Variants in RYR2 observed in about 807,000 individuals in gnomAD.
The protein encoded by RYR2 is cardiac muscle ryanodine receptor-calcium release channel.
Under a neutral mutation model 601.1 loss-of-function variants are expected in RYR2, and 227 were observed. The observed-to-expected ratio is 0.38, with a 90% CI of 0.34 to 0.42. RYR2 has a LOEUF of 0.42. Among genes scored for constraint, RYR2 ranks in the 10% least tolerant of loss-of-function variants. RYR2 has a pLI of 1.00. For synonymous variants in RYR2, 2,223 were observed against 2,175.1 expected (o/e 1.02, Z -0.61); for missense variants, 4,646 against 6,156.5 (o/e 0.75, Z 8.21).
At chr1:237,807,232 C>G (rs1296031822) in intron 99 of RYR2, among the ~76,000 whole-genome samples, 2 of 152,112 alleles carry the variant, frequency 1.3e-5, no homozygotes, top group African/African-American at 4.8e-5. Context: ...TGTTTGAGCT[C>G]CCAGGATATG....
intron 16 of RYR2, among the ~76,000 whole-genome samples, chr1:237,468,828 T>A (rs1478685762): frequency 6.6e-6 from 1 of 152,228 alleles, no homozygotes; most frequent in Non-Finnish European, 1.5e-5. Context: ...TACCCTTTAC[T>A]ATTACCTCCC....
intron 2 of RYR2, among the ~76,000 whole-genome samples, chr1:237,275,782 A>C (rs1033291638): frequency 6.6e-6 from 1 of 152,200 alleles, no homozygotes; most frequent in African/African-American, 2.4e-5. Context: ...TATTGACAAT[A>C]TTTTAGGCCA....
At chr1:237,361,153 T>G (rs892161135) in intron 4 of RYR2, among the ~76,000 whole-genome samples, 2 of 152,230 alleles carry the variant, frequency 1.3e-5, no homozygotes, top group Non-Finnish European at 2.9e-5. Context: ...CATATTTTCA[T>G]CATAAGAGCG....
intron 24 of RYR2, among the ~76,000 whole-genome samples, chr1:237,518,474 A>AT (rs954671116): frequency 1.3e-5 from 2 of 151,974 alleles, no homozygotes; most frequent in African/African-American, 4.8e-5. Flanking sequence ...ATGTGTGCAC[A>AT]TTTTTTTAAC....
intron 12 of RYR2, among the ~76,000 whole-genome samples, chr1:237,430,485 T>C (rs1427645564): frequency 6.6e-6 from 1 of 152,082 alleles, no homozygotes; most frequent in Admixed American, 6.6e-5. Flanking sequence ...TTTATGGTAG[T>C]TGTGGAAGGA....
At chr1:237,238,701 C>T (rs1303366610) in intron 1 of RYR2, among the ~76,000 whole-genome samples, 1 of 152,190 alleles carries the variant, frequency 6.6e-6, no homozygotes, top group African/African-American at 2.4e-5. Flanking sequence ...TTCTTTTGAT[C>T]TGTGGCTAAC....
chr1:237,583,084 G>A (rs945638263), intron 29 of RYR2, among the ~76,000 whole-genome samples: 1 of 152,082 alleles, frequency 6.6e-6, no homozygotes, highest in Non-Finnish European at 1.5e-5. Flanking sequence ...AGCCTCGTCA[G>A]CATCTGTTCT....
chr1:237,658,761 A>G (rs761796324), intron 54 of RYR2, among the ~76,000 whole-genome samples: 1 of 152,176 alleles, frequency 6.6e-6, no homozygotes, highest in Non-Finnish European at 1.5e-5. Context: ...GGATTTAACA[A>G]TTATTTACCT....
At chr1:237,376,110 T>C (rs778286773) in intron 7 of RYR2, among the ~76,000 whole-genome samples, 1 of 152,182 alleles carries the variant, frequency 6.6e-6, no homozygotes, top group Non-Finnish European at 1.5e-5. Flanking sequence ...GGTTAGCCAA[T>C]AGTGGGTACA....
At chr1:237,386,159 T>A (rs1009278119) in intron 8 of RYR2, among the ~76,000 whole-genome samples, 8 of 152,190 alleles carry the variant, frequency 5.3e-5, no homozygotes, top group Middle Eastern at 3.2e-3. Flanking sequence ...CCAAGTCTTA[T>A]GTATCAACTG....
Position 237,804,266 on chromosome 1 carries a change from C to G in RYR2, c.14152-1871C>G, listed in dbSNP as rs537223671. ...TTGGTCTTGCAAAACAGGAACCCAC[C>G]ACTCAAACCAAATTTTCCTTCCCAA... On this transcript the variant is annotated intron_variant, in intron 98 of 104. Transcript: ENST00000366574. Among the ~76,000 whole-genome samples, 114 of 131,432 alleles carry G rather than the reference C, an allele frequency of 8.7e-4. 1 individual carries two copies. The highest frequency in any genetic ancestry group is 1.4e-3 in the Non-Finnish European group (81 of 59,982). The allele number at this position is 131,432 out of a possible 152,430, so 86.2% of individuals were successfully genotyped here.
At chr1:237,469,061 A>T (rs775920719) in intron 16 of RYR2, 31 bp from the exon 17 acceptor site, 3 of 1,583,282 alleles carry the variant, frequency 1.9e-6, no homozygotes, top group Non-Finnish European at 2.6e-6. Context: ...AGAAAATCAC[A>T]TAAAGGTGAA....
At chr1:237,566,855 C>G in intron 28 of RYR2, 80 bp downstream of exon 28, 1 of 1,430,866 alleles carries the variant, frequency 7.0e-7, no homozygotes, top group Non-Finnish European at 9.8e-7. Context: ...GGTAGCTTCA[C>G]AGTACCAGTG....
intron 1 of RYR2, among the ~76,000 whole-genome samples, chr1:237,126,505 C>G (rs1671441903): frequency 6.6e-6 from 1 of 152,140 alleles, no homozygotes; most frequent in Non-Finnish European, 1.5e-5. Context: ...CCCCATCAGC[C>G]TGGCCAAGGC....
intron 27 of RYR2, among the ~76,000 whole-genome samples, chr1:237,556,501 G>A (rs1414020865): frequency 2.7e-5 from 4 of 149,946 alleles, no homozygotes; most frequent in African/African-American, 4.9e-5. Context: ...AGTAGAGGCG[G>A]GGTTTCACCA....
chr1:237,186,057 A>G (rs916050311), intron 1 of RYR2, among the ~76,000 whole-genome samples: 4 of 152,190 alleles, frequency 2.6e-5, no homozygotes, highest in African/African-American at 9.7e-5. Context: ...GCAGGCTCTC[A>G]TGGGTCTACA....
chr1:237,050,498 C>T (rs947400492), intron 1 of RYR2, among the ~76,000 whole-genome samples: 3 of 152,124 alleles, frequency 2.0e-5, no homozygotes, highest in African/African-American at 7.2e-5. Context: ...TCAATGTGGC[C>T]AATTTGTTTT....
At chr1:237,054,632 A>G (rs184769745) in intron 1 of RYR2, among the ~76,000 whole-genome samples, 1 of 152,208 alleles carries the variant, frequency 6.6e-6, no homozygotes, top group East Asian at 1.9e-4. Flanking sequence ...ATATCTCTGT[A>G]TGTCCTTTGG....
At chr1:237,479,775 G>A (rs753834798) in intron 17 of RYR2, among the ~76,000 whole-genome samples, 23 of 152,168 alleles carry the variant, frequency 1.5e-4, no homozygotes, top group Non-Finnish European at 2.6e-4. Flanking sequence ...AATCTCAAGT[G>A]AATTTAGGGC....
Sources: allele counts gnomAD v4.1 joint callset (sites outside exome capture counted in the v4.1 genomes callset), GRCh38; gene constraint gnomAD v4.1.1; transcripts MANE v1.5; gene names NCBI Gene and HGNC (gene_info 2026-07-23, HGNC 2026-07-21).